RDM1: variants seen among roughly 807,000 people sequenced by gnomAD.
RDM1 encodes RAD52 motif-containing protein 1.
RDM1 carries 28 observed loss-of-function variants against 27.7 expected under a neutral mutation model. The observed-to-expected ratio is 1.01, with a 90% CI of 0.75 to 1.39. The LOEUF is 1.39. Among genes scored for constraint, RDM1 ranks in the 40% most tolerant of loss-of-function variants. The probability of loss-of-function intolerance (pLI) is 0.00; values close to 1 mark genes in which losing one functional copy is unlikely to be tolerated. For synonymous variants in RDM1, 124 were observed against 127.5 expected (o/e 0.97, Z 0.19); for missense variants, 277 against 337.3 (o/e 0.82, Z 1.40).
intron 5 of RDM1, chr17:35,922,373 A>G (rs888797279): frequency 1.7e-6 from 1 of 602,314 alleles, no homozygotes; most frequent in African/African-American, 1.9e-5. Context: ...CACATCTGTA[A>G]ACTGGGGACA....
Position 35,929,831 on chromosome 17 carries a change from A to C in RDM1, c.276+245T>G, listed in dbSNP as rs147602870. On this transcript the variant is annotated intron_variant, in intron 2 of 6. Transcript: ENST00000620284. ...AAAAGGGACAGCATAAAATGACATGAGGTTTAGCATCAGTAGGTTTTAGTT... is the reference window on the plus strand; with the variant it reads ...AAAAGGGACAGCATAAAATGACATGCGGTTTAGCATCAGTAGGTTTTAGTT... 3.1e-3 allele frequency among the ~76,000 whole-genome samples: 466 copies of C among 152,316 alleles called. 1 individual carries two copies. The highest frequency in any genetic ancestry group is 4.8e-3 in the Non-Finnish European group (326 of 68,020).
chr17:35,929,240 G>A (rs901736972), intron 2 of RDM1, among the ~76,000 whole-genome samples: 1 of 152,108 alleles, frequency 6.6e-6, no homozygotes, highest in Non-Finnish European at 1.5e-5. Context: ...ATAAGCAGAA[G>A]TCTTCTGGCA....
chr17:35,922,590 C>CA lies in RDM1; in HGVS notation c.653dup (p.Leu218PhefsTer9). The CA allele has an allele frequency of 6.2e-7, 1 of 1,611,538 alleles. No homozygotes were observed. The highest frequency in any genetic ancestry group is 8.5e-7 in the Non-Finnish European group (1 of 1,179,660). On this transcript the variant is annotated frameshift_variant, in exon 5 of 7. Transcript: ENST00000620284. LOFTEE classifies it high-confidence loss of function. ...AGACAGTCTTACCTAGAACAACAAT[C>CA]AACAGTTTCTGGAATGCATCTGACA...
chr17:35,923,807 CA>C lies in RDM1; in HGVS notation c.568+796del, dbSNP rs546706514. On this transcript the variant is annotated intron_variant, in intron 4 of 6. Coordinates refer to ENST00000620284, the MANE Select transcript of RDM1 (RefSeq NM_145654.4). The stretch of plus-strand genomic sequence containing the variant: ...CCATGAATACTAAAAAAATACTCAA[CA>C]TCAGTATCAACTGAGTACCCTTTCT... 1.2e-4 allele frequency among the ~76,000 whole-genome samples: 18 copies of C among 152,294 alleles called. 1 individual carries two copies. In the South Asian group the frequency reaches 3.7e-3, roughly 32 times the overall value.
rs761104518 is a variant in RDM1, at chr17:35,924,718, G to A, written c.454C>T (p.Leu152Phe). 1 of 1,614,190 alleles carries A rather than the reference G, an allele frequency of 6.2e-7. No homozygotes were observed. The highest frequency in any genetic ancestry group is 8.5e-7 in the Non-Finnish European group (1 of 1,180,024). Residue 152 changes from leucine to phenylalanine, a missense_variant, in exon 4 of 7, where the codon CTT becomes TTT. By Grantham distance (22) the Leu-to-Phe change is conservative. Transcript: ENST00000620284. ...AAGAACTTCAGGCTTTGCTTCGGAA[G>A]TGGCACCATGCTATCTTCATTTTCC... ...ERENEDSMVP[L>F]PKQSLKFFCA...
chr17:35,918,530 C>A, intron 6 of RDM1, 87 bp from the exon 7 acceptor site: 4 of 1,076,614 alleles, frequency 3.7e-6, no homozygotes, highest in South Asian at 1.3e-5. Flanking sequence ...GCTAAACTTT[C>A]CATATCCTTT....
At chr17:35,929,588 C>T (rs762808319) in intron 2 of RDM1, among the ~76,000 whole-genome samples, 6 of 152,182 alleles carry the variant, frequency 3.9e-5, no homozygotes, top group Non-Finnish European at 5.9e-5. Flanking sequence ...ACTACAGGCG[C>T]ATGCCACCAT....
chr17:35,920,104 A>G (rs745728853), intron 6 of RDM1, 83 bp downstream of exon 6: 1 of 718,342 alleles, frequency 1.4e-6, no homozygotes, highest in Non-Finnish European at 2.4e-6. Flanking sequence ...AGAATGAAAC[A>G]AATTATCCTC....
At position 35,924,884 on chromosome 17, in the gene RDM1, C is replaced by G; in HGVS notation, c.400-112G>C. The G allele has an allele frequency of 2.9e-6, 3 of 1,040,080 alleles. No homozygotes were observed. The South Asian group carries it at 4.9e-5, about 17-fold the overall frequency. The allele number at this position is 1,040,080 out of a possible 1,614,324, so 64.4% of individuals were successfully genotyped here. ...GGCGTGGTGGTTCACGCCTGTAATC[C>G]CAGTACTTTGGGAGGCCGAGGTGGG... is the stretch of plus-strand genomic sequence containing the variant. On this transcript the variant is annotated intron_variant, in intron 3 of 6. Coordinates refer to ENST00000620284, the MANE Select transcript of RDM1 (RefSeq NM_145654.4).
chr17:35,927,376 G>C (rs184777384), intron 2 of RDM1, among the ~76,000 whole-genome samples: 155 of 152,112 alleles, frequency 1.0e-3, no homozygotes, highest in African/African-American at 3.6e-3. Flanking sequence ...GGAGGCAGAG[G>C]CTGCAGTGAG....
intron 3 of RDM1, 37 bp downstream of exon 3, chr17:35,925,478 A>C (rs1246843424): frequency 6.2e-7 from 1 of 1,608,650 alleles, no homozygotes; most frequent in South Asian, 1.1e-5. Context: ...TGTTGAAAGG[A>C]GAGTGTGGTA....
At chr17:35,927,146 A>G (rs370382378) in intron 2 of RDM1, among the ~76,000 whole-genome samples, 231 of 151,250 alleles carry the variant, frequency 1.5e-3, no homozygotes, top group African/African-American at 5.2e-3. Flanking sequence ...AAAAAGAACC[A>G]AAAAACCCTC....
chr17:35,921,619 C>A (rs2088947927), intron 5 of RDM1, among the ~76,000 whole-genome samples: 1 of 152,122 alleles, frequency 6.6e-6, no homozygotes, highest in Admixed American at 6.6e-5. Flanking sequence ...TGTGTCAGTG[C>A]CAGAAATGAA....
chr17:35,926,092 C>A (rs1348751254), intron 2 of RDM1, among the ~76,000 whole-genome samples: 1 of 151,354 alleles, frequency 6.6e-6, no homozygotes, highest in Admixed American at 6.6e-5. Flanking sequence ...CGAGATGGTG[C>A]CATGCACTCC....
intron 2 of RDM1, among the ~76,000 whole-genome samples, 180 bp downstream of exon 2, chr17:35,929,896 C>G (rs529171332): frequency 3.3e-5 from 5 of 152,312 alleles, no homozygotes; most frequent in East Asian, 1.9e-4. Flanking sequence ...GAACCTTAAA[C>G]AAGTCGCTCA....
Position 35,924,591 on chromosome 17 carries a change from A to G in RDM1, c.568+13T>C. 1 of 1,605,660 alleles carries G rather than the reference A, an allele frequency of 6.2e-7. No homozygotes were observed. The highest frequency in any genetic ancestry group is 2.2e-5 in the East Asian group (1 of 44,614). ...CAAATCCCTACCCTCCTCCACTCCC[A>G]GTGAAAACAGACCTTCCTCCACCTT... On this transcript the variant is annotated intron_variant, in intron 4 of 6. Coordinates refer to ENST00000620284, the MANE Select transcript of RDM1 (RefSeq NM_145654.4).
Position 35,924,650 on chromosome 17 carries a change from A to ACT in RDM1, c.520_521dup (p.Ser174ArgfsTer24). 6.2e-7 allele frequency: 1 copy of ACT among 1,614,030 alleles called. No homozygotes were observed. The highest frequency in any genetic ancestry group is 8.5e-7 in the Non-Finnish European group (1 of 1,179,974). On this transcript the variant is annotated frameshift_variant, in exon 4 of 7. Coordinates refer to ENST00000620284, the MANE Select transcript of RDM1 (RefSeq NM_145654.4). LOFTEE classifies it high-confidence loss of function. ...GCTCCTCCACCAAGCCAATGCCAGG[A>ACT]CTCCTGCAATCACAGGATGGCAACA...
chr17:35,921,020 G>T (rs2141927534), intron 5 of RDM1, among the ~76,000 whole-genome samples: 1 of 152,224 alleles, frequency 6.6e-6, no homozygotes, highest in Middle Eastern at 3.4e-3. Flanking sequence ...TACTCCTTTT[G>T]AACCAAAATT....
Position 35,918,400 on chromosome 17 carries a change from C to T in RDM1, c.797G>A (p.Gly266Glu), listed in dbSNP as rs201991222. The T allele has an allele frequency of 7.0e-5, 113 of 1,614,068 alleles. No homozygotes were observed. The African/African-American group carries it at 8.1e-4, about 12-fold the overall frequency. Residue 266 changes from glycine to glutamate, a missense_variant, in exon 7 of 7, where the codon GGG becomes GAG. Physicochemically the swap from Gly to Glu is moderately conservative, Grantham distance 98. Transcript: ENST00000620284. ...PWKQYGQEEE[G>E]YLSDFSLEEE... Reference sequence around the variant, plus strand: ...CTCCAAGCTGAAATCCGAGAGATACCCTTCCTCCTCTTGGCCATACTGCTT... The same window carrying T: ...CTCCAAGCTGAAATCCGAGAGATACTCTTCCTCCTCTTGGCCATACTGCTT...
Sources: gnomAD v4.1 joint callset for allele counts (sites outside exome capture counted in the v4.1 genomes callset) on GRCh38, gnomAD v4.1.1 for gene constraint, MANE v1.5 for transcripts, NCBI Gene and HGNC (gene_info 2026-07-23, HGNC 2026-07-21) for gene names.